The following UBE3D variants were observed in gnomAD, a reference collection of about 807,000 sequenced individuals.
UBE3D encodes E3 ubiquitin-protein ligase E3D.
Under a neutral mutation model 49.6 loss-of-function variants are expected in UBE3D, and 48 were observed. The ratio of observed to expected loss-of-function variants is 0.97; its 90% CI spans 0.77 to 1.23. The LOEUF (loss-of-function observed/expected upper bound fraction) is 1.23. Ranked by LOEUF, UBE3D falls within the 50% of genes most tolerant of loss-of-function variation. UBE3D has a pLI of 0.00. For synonymous variants in UBE3D, 189 were observed against 174.2 expected (o/e 1.08, Z -0.67); for missense variants, 452 against 468.4 (o/e 0.96, Z 0.32).
chr6:82,975,785 A>C (rs937436163), intron 8 of UBE3D, among the ~76,000 whole-genome samples: 1 of 152,190 alleles, frequency 6.6e-6, no homozygotes, highest in Non-Finnish European at 1.5e-5. Flanking sequence ...TTTGGAATTT[A>C]AGATTTTTGT....
At chr6:82,990,104 TCA>T (rs1165329161) in intron 8 of UBE3D, among the ~76,000 whole-genome samples, 1 of 152,152 alleles carries the variant, frequency 6.6e-6, no homozygotes, top group African/African-American at 2.4e-5. Flanking sequence ...AACAAACATC[TCA>T]CAGTTACTGT....
intron 8 of UBE3D, among the ~76,000 whole-genome samples, chr6:82,985,008 C>CTTTTTTTTTTTTTTTT (rs70987727): frequency 7.5e-5 from 4 of 52,994 alleles, no homozygotes; most frequent in Non-Finnish European, 1.3e-4. Context: ...TCTTCTTCTT[C>CTTTTTTTTTTTTTTTT]TTTTTTTTTT....
At chr6:83,063,243 T>G in intron 1 of UBE3D, 1 of 241,356 alleles carries the variant, frequency 4.1e-6, no homozygotes, top group Non-Finnish European at 8.5e-6. Context: ...TGAAACCCTA[T>G]CTCTACAAAA....
intron 8 of UBE3D, among the ~76,000 whole-genome samples, chr6:82,970,615 A>G (rs1582505092): frequency 6.6e-6 from 1 of 152,146 alleles, no homozygotes; most frequent in East Asian, 1.9e-4. Context: ...CGAGGCGGGC[A>G]GATCACGAGG....
chr6:82,932,808 C>A (rs536803676), intron 9 of UBE3D, among the ~76,000 whole-genome samples: 3 of 152,132 alleles, frequency 2.0e-5, no homozygotes, highest in African/African-American at 7.2e-5. Context: ...TGATTACTAC[C>A]CAATTGCCAT....
chr6:83,056,749 T>C (rs1783838639), intron 2 of UBE3D, among the ~76,000 whole-genome samples: 1 of 152,154 alleles, frequency 6.6e-6, no homozygotes, highest in African/African-American at 2.4e-5. Flanking sequence ...ATCTCCTAAA[T>C]GGCTCTTCCA....
chr6:83,033,030 T>C (rs1781991440), intron 5 of UBE3D, among the ~76,000 whole-genome samples: 1 of 152,302 alleles, frequency 6.6e-6, no homozygotes, highest in South Asian at 2.1e-4. Context: ...TTTCATTGTC[T>C]CATGGTTCTC....
intron 9 of UBE3D, among the ~76,000 whole-genome samples, chr6:82,934,217 A>T (rs1193763444): frequency 1.3e-5 from 2 of 152,138 alleles, no homozygotes; most frequent in Non-Finnish European, 2.9e-5. Context: ...TTCCACCATG[A>T]TTATAAATTT....
chr6:83,046,690 G>C (rs1171843931), intron 3 of UBE3D, among the ~76,000 whole-genome samples: 1 of 142,812 alleles, frequency 7.0e-6, no homozygotes, highest in African/African-American at 2.7e-5. Context: ...GTGGGCGGTG[G>C]CACCGGGGGA....
At chr6:83,018,874 A>C (rs1379222444) in intron 8 of UBE3D, 99 bp downstream of exon 8, 11 of 1,373,262 alleles carry the variant, frequency 8.0e-6, no homozygotes, top group Non-Finnish European at 1.1e-5. Flanking sequence ...TCAAGTAGGG[A>C]AATGGTATAG....
chr6:82,987,125 A>G (rs764596452), intron 8 of UBE3D, among the ~76,000 whole-genome samples: 8 of 151,910 alleles, frequency 5.3e-5, no homozygotes, highest in Non-Finnish European at 1.2e-4. Context: ...ATGCCACCAC[A>G]CCTGGCTAAT....
intron 7 of UBE3D, among the ~76,000 whole-genome samples, chr6:83,020,339 C>CTG (rs1176110006): frequency 1.2e-5 from 1 of 81,614 alleles, no homozygotes; most frequent in African/African-American, 5.3e-5. Context: ...TCATGTGATA[C>CTG]TGTTTTTTTT....
intron 6 of UBE3D, among the ~76,000 whole-genome samples, chr6:83,023,305 C>T (rs1435718964): frequency 1.3e-5 from 2 of 152,100 alleles, no homozygotes; most frequent in Non-Finnish European, 2.9e-5. Context: ...TAGAAATAAG[C>T]ATAGAAAACT....
intron 5 of UBE3D, among the ~76,000 whole-genome samples, chr6:83,025,880 C>CT (rs1329975988): frequency 1.9e-4 from 13 of 67,836 alleles, no homozygotes; most frequent in African/African-American, 8.1e-4. Context: ...GTGACTCCAT[C>CT]TTAAAAAAAA....
At chr6:82,973,224 T>C (rs955897467) in intron 8 of UBE3D, among the ~76,000 whole-genome samples, 4 of 152,192 alleles carry the variant, frequency 2.6e-5, no homozygotes, top group African/African-American at 9.6e-5. Flanking sequence ...GATTCTCCTA[T>C]AAGAATTTGA....
At chr6:82,992,379 C>G (rs370320727) in intron 8 of UBE3D, among the ~76,000 whole-genome samples, 1 of 151,968 alleles carries the variant, frequency 6.6e-6, no homozygotes, top group Admixed American at 6.6e-5. Flanking sequence ...CCTGCCACCA[C>G]GCCTGGCTAA....
chr6:82,912,697 AT>A (rs1024253787), intron 9 of UBE3D, among the ~76,000 whole-genome samples: 3 of 151,952 alleles, frequency 2.0e-5, no homozygotes, highest in African/African-American at 7.3e-5. Flanking sequence ...TGCTTTCTGT[AT>A]TTGCTATTGC....
chr6:83,013,135 T>A (rs1780464811), intron 8 of UBE3D, among the ~76,000 whole-genome samples: 1 of 152,164 alleles, frequency 6.6e-6, no homozygotes, highest in African/African-American at 2.4e-5. Context: ...TTCCATTTGA[T>A]GACAGAATGC....
rs147447723 is a variant in UBE3D, at chr6:83,060,111, C to T, written c.78-2089G>A. 3.0e-3 allele frequency among the ~76,000 whole-genome samples: 460 copies of T among 152,276 alleles called. 4 individuals are homozygous for T. Among genetic ancestry groups the T allele is most frequent in the African/African-American group, 0.011 (445 of 41,554 alleles). On this transcript the variant is annotated intron_variant, in intron 1 of 9. Transcript: ENST00000369747. ...TCTAAATCTAACTACCTCCCAAAGC[C>T]CCATCTCCTAACACCATCACTTTGG...
Sources: gnomAD v4.1 joint callset for allele counts (sites outside exome capture counted in the v4.1 genomes callset) on GRCh38, gnomAD v4.1.1 for gene constraint, MANE v1.5 for transcripts, NCBI Gene and HGNC (gene_info 2026-07-23, HGNC 2026-07-21) for gene names.